Variants in CSNK2A1 observed in about 807,000 individuals in gnomAD.
The protein encoded by CSNK2A1 is casein kinase 2 alpha 1.
CSNK2A1 carries 10 observed loss-of-function variants against 62.9 expected under a neutral mutation model. The ratio of observed to expected loss-of-function variants is 0.16; its 90% CI spans 0.10 to 0.27. The LOEUF (loss-of-function observed/expected upper bound fraction) is 0.27, where lower values mean the gene tolerates loss of function less well. CSNK2A1 is among the 10% of genes least tolerant of loss of function. The probability of loss-of-function intolerance (pLI) is 1.00; values close to 1 mark genes in which losing one functional copy is unlikely to be tolerated. For missense variants in CSNK2A1, 160 were observed against 492.0 expected (o/e 0.33, Z 6.38); for synonymous variants, 124 against 167.8 (o/e 0.74, Z 2.02).
intron 3 of CSNK2A1, chr20:506,125 C>A (rs1279491691): frequency 6.6e-6 from 1 of 152,086 alleles, no homozygotes; most frequent in Non-Finnish European, 1.5e-5. Context: ...ATCCGCCCGC[C>A]TTGGCCTCCC....
At position 472,614 on chromosome 20, in the gene CSNK2A1, G is replaced by A. The variant is rs940196583; in HGVS notation, c.*11347C>T. ...GCACAAATTTAATGACAAAGGCTTG[G>A]AGCAAACACAATTTGTGGGCAATAA... On this transcript the variant is annotated 3_prime_UTR_variant, in exon 14 of 14. Coordinates refer to ENST00000217244, the MANE Select transcript of CSNK2A1 (RefSeq NM_177559.3). 1 of 152,208 alleles carries A rather than the reference G, an allele frequency of 6.6e-6. No homozygotes were observed. Among genetic ancestry groups the A allele is most frequent in the Non-Finnish European group, 1.5e-5 (1 of 68,074 alleles). The allele number at this position is 152,208 out of a possible 1,614,324, so 9.4% of individuals were successfully genotyped here.
chr20:505,521 G>A (rs966154344), intron 3 of CSNK2A1, among the ~76,000 whole-genome samples: 3 of 151,480 alleles, frequency 2.0e-5, no homozygotes, highest in East Asian at 1.9e-4. Context: ...CACCATGCCC[G>A]GCTAATTTTT....
At position 492,563 on chromosome 20, in the gene CSNK2A1, CACAATCTCACCT is replaced by C. The variant is rs1186813412; in HGVS notation, c.511-211_511-200del. On this transcript the variant is annotated intron_variant, in intron 8 of 13. Transcript: ENST00000217244. Reference sequence around the variant, plus strand: ...TCTCCATGATTTTGTTCCTGGAAGACACAATCTCACCTGTGCTTTTACAAATTTCTTAAACTG... The same window carrying C: ...TCTCCATGATTTTGTTCCTGGAAGACGTGCTTTTACAAATTTCTTAAACTG... 10 of 583,574 alleles carry C rather than the reference CACAATCTCACCT, an allele frequency of 1.7e-5. No individual in the cohort carries two copies. In the East Asian group the frequency reaches 2.9e-4, roughly 17 times the overall value. The allele number at this position is 583,574 out of a possible 1,614,324, so 36.1% of individuals were successfully genotyped here.
At chr20:540,910 C>T (rs1408205849) in intron 1 of CSNK2A1, 1 of 152,214 alleles carries the variant, frequency 6.6e-6, no homozygotes, top group Non-Finnish European at 1.5e-5. Flanking sequence ...ATCAAGGTGT[C>T]TCAAGGTTGC....
At chr20:536,425 G>A (rs60085988) in intron 1 of CSNK2A1, among the ~76,000 whole-genome samples, 4,279 of 152,226 alleles carry the variant, frequency 0.028, 251 homozygotes, top group East Asian at 0.16. Context: ...TAGTACTCTA[G>A]TTATTAATCC....
intron 3 of CSNK2A1, chr20:505,868 A>ATTTTT (rs2018571488): frequency 8.5e-6 from 1 of 117,078 alleles, no homozygotes; most frequent in African/African-American, 3.4e-5. Context: ...CCAAGAGAAT[A>ATTTTT]ATTTTTTTTT....
intron 13 of CSNK2A1, among the ~76,000 whole-genome samples, chr20:485,326 G>T (rs777690581): frequency 4.6e-5 from 7 of 150,824 alleles, no homozygotes; most frequent in Non-Finnish European, 8.9e-5. Context: ...GGGATTAAAG[G>T]CGCCGCCGCC....
intron 2 of CSNK2A1, among the ~76,000 whole-genome samples, chr20:522,199 G>A (rs1020803171): frequency 1.2e-4 from 19 of 152,210 alleles, no homozygotes; most frequent in African/African-American, 4.1e-4. Flanking sequence ...AGTAAGCATG[G>A]AAAGAGAGCC....
intron 13 of CSNK2A1, among the ~76,000 whole-genome samples, chr20:485,874 TG>T (rs1210508062): frequency 6.6e-6 from 1 of 152,232 alleles, no homozygotes; most frequent in Non-Finnish European, 1.5e-5. Flanking sequence ...TTGGAATAAC[TG>T]GGTACTCTAT....
intron 1 of CSNK2A1, among the ~76,000 whole-genome samples, chr20:536,951 A>C (rs1568572224): frequency 6.6e-6 from 1 of 152,206 alleles, no homozygotes; most frequent in Non-Finnish European, 1.5e-5. Flanking sequence ...ATATGACATG[A>C]TACCATTTTT....
At chr20:523,094 C>A (rs1374639909) in intron 2 of CSNK2A1, among the ~76,000 whole-genome samples, 1 of 152,096 alleles carries the variant, frequency 6.6e-6, no homozygotes, top group Non-Finnish European at 1.5e-5. Flanking sequence ...AAATTTTCAA[C>A]ATTACAAGTT....
rs369339117 is a variant in CSNK2A1 at position 521,325 on chromosome 20, C to A, written c.-110+6608G>T. Among the ~76,000 whole-genome samples the A allele has an allele frequency of 7.9e-5, 12 of 152,214 alleles. No individual in the cohort carries two copies. In the East Asian group the frequency reaches 1.3e-3, roughly 17 times the overall value. ...TGAAAAGATACACAACACTGCCAGACAGCAGGGAAAATGAAATTAAATCAT... is the reference window on the plus strand; with the variant it reads ...TGAAAAGATACACAACACTGCCAGAAAGCAGGGAAAATGAAATTAAATCAT... On this transcript the variant is annotated intron_variant, in intron 2 of 13. Transcript: ENST00000217244.
At chr20:529,052 GT>G (rs2019156268) in intron 1 of CSNK2A1, among the ~76,000 whole-genome samples, 1 of 152,054 alleles carries the variant, frequency 6.6e-6, no homozygotes, top group Admixed American at 6.6e-5. Context: ...TTCCATGTTT[GT>G]TTTTAGAGAC....
chr20:524,629 C>T (rs1473613810), intron 2 of CSNK2A1, among the ~76,000 whole-genome samples: 1 of 91,398 alleles, frequency 1.1e-5, no homozygotes, highest in South Asian at 2.8e-4. Context: ...ACTCAGGAGG[C>T]TGAGGCTGGA....
chr20:499,496 A>T lies in CSNK2A1; in HGVS notation c.316-191T>A. 1.8e-6 allele frequency: 1 copy of T among 560,594 alleles called. No homozygotes were observed. The highest frequency in any genetic ancestry group is 3.1e-6 in the Non-Finnish European group (1 of 324,002). 34.7% of individuals were successfully genotyped at this position (560,594 alleles called of 1,614,324 possible). ...TTAGGTCATTTTTGGGATGGATTTC[A>T]AACAGAAGACATGGAGCTGAAGTCT... On this transcript the variant is annotated intron_variant, in intron 5 of 13. Coordinates refer to ENST00000217244, the MANE Select transcript of CSNK2A1 (RefSeq NM_177559.3). The surrounding 1 kb of genome is among the most constrained non-coding windows in gnomAD (Gnocchi z 4.2).
rs1323857919 is a variant in CSNK2A1, at chr20:482,027, A to G, written c.*1934T>C. On this transcript the variant is annotated 3_prime_UTR_variant, in exon 14 of 14. Transcript: ENST00000217244. ...CCCTACCGTTGAGAAGCGCTATAAA[A>G]GGAGGCTTTAGCGTCCTCTAAAGTT... The G allele has an allele frequency of 6.6e-6, 1 of 152,206 alleles. No homozygotes were observed. Among genetic ancestry groups the G allele is most frequent in the Non-Finnish European group, 1.5e-5 (1 of 68,040 alleles). The allele number at this position is 152,206 out of a possible 1,614,324, so 9.4% of individuals were successfully genotyped here.
rs1015378524 is a variant in CSNK2A1, at chr20:472,907, C to G, written c.*11054G>C. ...CACCCTGACCAATCTCCTACAAAGGCTGAAGCAGGAGGATTGCTTGAGCCC... is the reference window on the plus strand; with the variant it reads ...CACCCTGACCAATCTCCTACAAAGGGTGAAGCAGGAGGATTGCTTGAGCCC... On this transcript the variant is annotated 3_prime_UTR_variant, in exon 14 of 14. Coordinates refer to ENST00000217244, the MANE Select transcript of CSNK2A1 (RefSeq NM_177559.3). 7.9e-5 allele frequency: 12 copies of G among 152,326 alleles called. No homozygotes were observed. Among genetic ancestry groups the G allele is most frequent in the African/African-American group, 2.7e-4 (11 of 41,442 alleles). 9.4% of individuals were successfully genotyped at this position (152,326 alleles called of 1,614,324 possible). A position where few individuals can be genotyped will look rare whatever the true frequency, so the allele number is the denominator to read the frequency against.
intron 1 of CSNK2A1, among the ~76,000 whole-genome samples, chr20:542,109 G>A (rs1395077013): frequency 6.6e-6 from 1 of 152,214 alleles, no homozygotes; most frequent in Non-Finnish European, 1.5e-5. Flanking sequence ...ACTTAGAACA[G>A]AAGAGCCCCA....
rs191776128 is a variant in CSNK2A1, at chr20:542,775, G to T, written c.-227+897C>A. ...CCTCTCCCCATGTCCCATTCTCGTA[G>T]AATTAAACAGCTGAAAAGTAATCAA... On this transcript the variant is annotated intron_variant, in intron 1 of 13. Transcript: ENST00000217244. Among the ~76,000 whole-genome samples, 207 of 152,190 alleles carry T rather than the reference G, an allele frequency of 1.4e-3. 1 individual carries two copies. Among genetic ancestry groups the T allele is most frequent in the Non-Finnish European group, 2.2e-3 (148 of 68,022 alleles).
Sources: allele counts gnomAD v4.1 joint callset (sites outside exome capture counted in the v4.1 genomes callset), GRCh38; gene constraint gnomAD v4.1.1; non-coding constraint Gnocchi (gnomAD v3.1); transcripts MANE v1.5; gene names NCBI Gene and HGNC (gene_info 2026-07-23, HGNC 2026-07-21).